CSMD1: variants seen among roughly 807,000 people sequenced by gnomAD.
CSMD1 encodes CUB and sushi domain-containing protein 1.
CSMD1 carries 213 observed loss-of-function variants against 417.5 expected under a neutral mutation model. That is an observed-to-expected ratio of 0.51 (90% CI 0.46 to 0.57). The LOEUF (loss-of-function observed/expected upper bound fraction) is 0.57, where lower values mean the gene tolerates loss of function less well. Among genes scored for constraint, CSMD1 ranks in the 20% least tolerant of loss-of-function variants. The pLI is 0.00. For synonymous variants in CSMD1, 2,862 were observed against 1,736.8 expected (o/e 1.65, Z -16.11); for missense variants, 6,923 against 4,529.7 (o/e 1.53, Z -15.17).
At chr8:3,274,406 T>A (rs1328133591) in intron 26 of CSMD1, among the ~76,000 whole-genome samples, 1 of 152,124 alleles carries the variant, frequency 6.6e-6, no homozygotes, top group African/African-American at 2.4e-5. Context: ...TATATTCTGT[T>A]GATTTGGGGT....
chr8:4,734,373 G>C (rs182110384), intron 1 of CSMD1, among the ~76,000 whole-genome samples: 2 of 151,914 alleles, frequency 1.3e-5, no homozygotes, highest in Admixed American at 6.6e-5. Flanking sequence ...TCCTCTGAGT[G>C]TTCTATGCAT....
At chr8:4,448,415 C>T (rs1279708588) in intron 2 of CSMD1, among the ~76,000 whole-genome samples, 1 of 152,064 alleles carries the variant, frequency 6.6e-6, no homozygotes, top group Non-Finnish European at 1.5e-5. Context: ...CCCTGTGTGC[C>T]CTGATGCAGA....
Position 3,768,941 on chromosome 8 carries a change from G to A in CSMD1, c.819-14899C>T, listed in dbSNP as rs561509358. On this transcript the variant is annotated intron_variant, in intron 5 of 69. Transcript: ENST00000635120. Reference sequence around the variant, plus strand: ...TCACTGCTTTTCAAGAATCTGCTGTGTTCCGATGGAAGGTGAATGGAACAG... The same window carrying A: ...TCACTGCTTTTCAAGAATCTGCTGTATTCCGATGGAAGGTGAATGGAACAG... Among the ~76,000 whole-genome samples, 5 of 152,330 alleles carry A rather than the reference G, an allele frequency of 3.3e-5. No individual in the cohort carries two copies. The East Asian group carries it at 9.6e-4, about 29-fold the overall frequency.
At chr8:3,139,020 G>C (rs1818279779) in intron 41 of CSMD1, among the ~76,000 whole-genome samples, 1 of 152,162 alleles carries the variant, frequency 6.6e-6, no homozygotes, top group South Asian at 2.1e-4. Context: ...GACACAGGGA[G>C]GCAGCCGCAG....
At chr8:3,999,832 G>C (rs1351273530) in intron 4 of CSMD1, among the ~76,000 whole-genome samples, 1 of 151,946 alleles carries the variant, frequency 6.6e-6, no homozygotes, top group African/African-American at 2.4e-5. Context: ...TTAATAGTTA[G>C]CCAGTCTGTG....
At chr8:4,122,178 G>A (rs1290163021) in intron 3 of CSMD1, among the ~76,000 whole-genome samples, 1 of 152,138 alleles carries the variant, frequency 6.6e-6, no homozygotes, top group Non-Finnish European at 1.5e-5. Flanking sequence ...TGATAAGAAT[G>A]ACAGTGACTC....
chr8:4,267,974 G>A (rs1804327146), intron 3 of CSMD1, among the ~76,000 whole-genome samples: 1 of 152,032 alleles, frequency 6.6e-6, no homozygotes, highest in South Asian at 2.1e-4. Flanking sequence ...ATTTTCTAGA[G>A]TCAGTACAAG....
intron 47 of CSMD1, 75 bp downstream of exon 47, chr8:3,096,774 G>C: frequency 1.0e-6 from 1 of 968,594 alleles, no homozygotes; most frequent in Non-Finnish European, 1.5e-6. Flanking sequence ...CAGTCTTTAT[G>C]TTACTAAAAC....
intron 1 of CSMD1, among the ~76,000 whole-genome samples, chr8:4,778,178 A>G (rs980348707): frequency 2.0e-5 from 3 of 152,154 alleles, no homozygotes; most frequent in African/African-American, 7.2e-5. Context: ...ATGTCATAAA[A>G]TTTTCCATTC....
Position 4,198,710 on chromosome 8 carries a change from T to G in CSMD1, c.416-166611A>C, listed in dbSNP as rs139595447. On this transcript the variant is annotated intron_variant, in intron 3 of 69. Transcript: ENST00000635120. ...CCAAGGACTACATGGATACTAAGTGTATTTTAATATAATTGGTTTTCTTTG... is the reference window on the plus strand; with the variant it reads ...CCAAGGACTACATGGATACTAAGTGGATTTTAATATAATTGGTTTTCTTTG... Among the ~76,000 whole-genome samples the G allele has an allele frequency of 3.2e-4, 48 of 152,280 alleles. No individual in the cohort carries two copies. The East Asian group carries it at 7.5e-3, about 24-fold the overall frequency.
chr8:3,085,122 A>T (rs1265788161), intron 49 of CSMD1, among the ~76,000 whole-genome samples: 1 of 152,138 alleles, frequency 6.6e-6, no homozygotes, highest in African/African-American at 2.4e-5. Context: ...CCACTTTAAC[A>T]ATGGTCAGGC....
chr8:4,554,022 C>T (rs1162767692), intron 2 of CSMD1, among the ~76,000 whole-genome samples: 1 of 152,196 alleles, frequency 6.6e-6, no homozygotes, highest in African/African-American at 2.4e-5. Flanking sequence ...TGCGATCTAA[C>T]CGCCCAGTGT....
At chr8:3,477,262 G>A (rs1171274807) in intron 11 of CSMD1, among the ~76,000 whole-genome samples, 1 of 152,168 alleles carries the variant, frequency 6.6e-6, no homozygotes, top group Non-Finnish European at 1.5e-5. Context: ...AGGGGGAGAT[G>A]TGCTAAACCT....
chr8:4,865,105 T>C (rs941667465), intron 1 of CSMD1, among the ~76,000 whole-genome samples: 1 of 151,814 alleles, frequency 6.6e-6, no homozygotes. Context: ...GGATGAATTA[T>C]GTAATAGTGA....
rs117096591 is a variant in CSMD1, at chr8:4,272,302, C to T, written c.415+147651G>A. Among the ~76,000 whole-genome samples the T allele has an allele frequency of 1.8e-4, 27 of 152,118 alleles. No individual in the cohort carries two copies. In the East Asian group the frequency reaches 4.8e-3, roughly 27 times the overall value. ...TTATAAATAGAAAAACATTTTTTTC[C>T]TTGCCAATGTCATAACAAAACTACA... On this transcript the variant is annotated intron_variant, in intron 3 of 69. Transcript: ENST00000635120.
intron 11 of CSMD1, among the ~76,000 whole-genome samples, chr8:3,484,955 A>G (rs1197086586): frequency 6.6e-6 from 1 of 151,694 alleles, no homozygotes. Flanking sequence ...GGACCACTTA[A>G]CATCATGGGC....
intron 5 of CSMD1, among the ~76,000 whole-genome samples, chr8:3,813,685 C>T (rs1049239445): frequency 1.3e-5 from 2 of 152,168 alleles, no homozygotes; most frequent in Admixed American, 6.5e-5. Context: ...AAGCCCTGTA[C>T]TTTCCAATAT....
At chr8:4,753,058 C>T (rs184508124) in intron 1 of CSMD1, among the ~76,000 whole-genome samples, 2 of 152,104 alleles carry the variant, frequency 1.3e-5, no homozygotes, top group South Asian at 4.1e-4. Context: ...ATTACTTTAT[C>T]TCATTTAACC....
intron 1 of CSMD1, among the ~76,000 whole-genome samples, chr8:4,669,664 T>C (rs1032203972): frequency 1.3e-5 from 2 of 152,172 alleles, no homozygotes; most frequent in Admixed American, 1.3e-4. Flanking sequence ...CATTTTATAG[T>C]ATGAAGCTGT....
Sources: gnomAD v4.1 joint callset for allele counts (sites outside exome capture counted in the v4.1 genomes callset) on GRCh38, gnomAD v4.1.1 for gene constraint, MANE v1.5 for transcripts, NCBI Gene and HGNC (gene_info 2026-07-23, HGNC 2026-07-21) for gene names.